The following PLEKHA7 variants were observed in gnomAD, a reference collection of about 807,000 sequenced individuals.
The protein encoded by PLEKHA7 is pleckstrin homology domain containing A7.
Under a neutral mutation model 170.0 loss-of-function variants are expected in PLEKHA7, and 104 were observed. That is an observed-to-expected ratio of 0.61 (90% CI 0.52 to 0.72). The LOEUF (loss-of-function observed/expected upper bound fraction) is 0.72, where lower values mean the gene tolerates loss of function less well. PLEKHA7 is among the 30% of genes least tolerant of loss of function. The pLI is 0.00. For missense variants in PLEKHA7, 1,615 were observed against 1,671.7 expected, an observed-to-expected ratio of 0.97 and a Z score of 0.59; for synonymous variants, 648 against 660.8, an observed-to-expected ratio of 0.98 and a Z score of 0.30.
rs78928469 is a variant in PLEKHA7 at position 16,979,447 on chromosome 11, T to A, written c.221+34542A>T. ...ACATTCCCATTTTACAGACATGGGATCTGAGGCCCACCTTGCTCAAGGTCA... is the reference window on the plus strand; with the variant it reads ...ACATTCCCATTTTACAGACATGGGAACTGAGGCCCACCTTGCTCAAGGTCA... On this transcript the variant is annotated intron_variant, in intron 3 of 26. Transcript: ENST00000531066. 1.3e-3 allele frequency among the ~76,000 whole-genome samples: 195 copies of A among 152,176 alleles called. 2 individuals are homozygous for A. In the East Asian group the frequency reaches 0.031, roughly 24 times the overall value.
At chr11:16,959,686 T>C (rs1002934376) in intron 3 of PLEKHA7, among the ~76,000 whole-genome samples, 1 of 152,184 alleles carries the variant, frequency 6.6e-6, no homozygotes, top group Non-Finnish European at 1.5e-5. Context: ...TGAAACCACC[T>C]TGATAGAAAG....
At chr11:16,786,140 G>T in intron 24 of PLEKHA7, 89 bp downstream of exon 24, 2 of 1,456,332 alleles carry the variant, frequency 1.4e-6, no homozygotes, top group Non-Finnish European at 1.8e-6. Flanking sequence ...TCCCTGTTCA[G>T]GATGATACCC....
intron 3 of PLEKHA7, among the ~76,000 whole-genome samples, chr11:17,007,128 G>C (rs1423573819): frequency 4.6e-5 from 7 of 152,190 alleles, no homozygotes; most frequent in Admixed American, 2.6e-4. Flanking sequence ...TGCTGCCCAG[G>C]GGGGCATGGA....
intron 3 of PLEKHA7, among the ~76,000 whole-genome samples, chr11:17,007,618 G>A (rs889798213): frequency 1.3e-5 from 2 of 149,130 alleles, no homozygotes; most frequent in Non-Finnish European, 3.0e-5. Flanking sequence ...CTGTCGCCCA[G>A]GCTGGAGTGC....
chr11:16,820,002 T>C (rs1409939684), intron 10 of PLEKHA7, among the ~76,000 whole-genome samples: 1 of 152,254 alleles, frequency 6.6e-6, no homozygotes, highest in Non-Finnish European at 1.5e-5. Flanking sequence ...TGGTTTGATG[T>C]AATCATTTCA....
intron 23 of PLEKHA7, chr11:16,786,965 C>G: frequency 1.0e-6 from 1 of 985,252 alleles, no homozygotes; most frequent in Non-Finnish European, 1.2e-6. Context: ...TGTATGAGAC[C>G]CATCTATTTG....
At position 16,895,244 on chromosome 11, in the gene PLEKHA7, G is replaced by A. The variant is rs1055640661; in HGVS notation, c.222-24062C>T. Among the ~76,000 whole-genome samples, 4 of 152,158 alleles carry A rather than the reference G, an allele frequency of 2.6e-5. 1 individual carries two copies. The highest frequency in any genetic ancestry group is 6.3e-3 in the Middle Eastern group (2 of 316). On this transcript the variant is annotated intron_variant, in intron 3 of 26. Coordinates refer to ENST00000531066, the MANE Select transcript of PLEKHA7 (RefSeq NM_001329630.2). ...CACTGGCCCTCCTCATTTGTGTCTA[G>A]AAGTCCCAGCAATCAGGCATGGACA...
At chr11:16,848,374 C>T (rs1852638017) in intron 8 of PLEKHA7, among the ~76,000 whole-genome samples, 1 of 152,228 alleles carries the variant, frequency 6.6e-6, no homozygotes. Flanking sequence ...TCTTGGCATG[C>T]CTTCAGAATC....
chr11:16,812,765 T>C (rs940135803), intron 13 of PLEKHA7, among the ~76,000 whole-genome samples: 3 of 152,218 alleles, frequency 2.0e-5, no homozygotes, highest in Middle Eastern at 3.4e-3. Flanking sequence ...AAAACCCACA[T>C]TAGTGAACCA....
At chr11:16,862,779 C>T (rs2135550585) in intron 4 of PLEKHA7, among the ~76,000 whole-genome samples, 1 of 152,338 alleles carries the variant, frequency 6.6e-6, no homozygotes, top group South Asian at 2.1e-4. Context: ...CTACGTGCGA[C>T]TATCATAGAC....
chr11:16,893,200 AT>A (rs1316589217), intron 3 of PLEKHA7, among the ~76,000 whole-genome samples: 1 of 152,236 alleles, frequency 6.6e-6, no homozygotes, highest in Non-Finnish European at 1.5e-5. Flanking sequence ...AGGTTAAATC[AT>A]TTGTCCAAGA....
chr11:16,925,991 C>G (rs1050895526), intron 3 of PLEKHA7, among the ~76,000 whole-genome samples: 1 of 152,270 alleles, frequency 6.6e-6, no homozygotes, highest in Non-Finnish European at 1.5e-5. Context: ...CAGACACCAG[C>G]AGACCTGTCA....
intron 3 of PLEKHA7, among the ~76,000 whole-genome samples, chr11:16,945,534 G>C (rs1419165248): frequency 6.6e-6 from 1 of 152,216 alleles, no homozygotes; most frequent in Admixed American, 6.5e-5. Context: ...ATGATGGATA[G>C]ATGGACAGAT....
At chr11:16,864,683 T>A (rs1854245714) in intron 4 of PLEKHA7, among the ~76,000 whole-genome samples, 1 of 152,190 alleles carries the variant, frequency 6.6e-6, no homozygotes, top group Admixed American at 6.5e-5. Flanking sequence ...CTGCACACAC[T>A]CTCTTGCCTG....
At chr11:16,990,792 C>T (rs1046807496) in intron 3 of PLEKHA7, among the ~76,000 whole-genome samples, 1 of 152,228 alleles carries the variant, frequency 6.6e-6, no homozygotes, top group African/African-American at 2.4e-5. Flanking sequence ...TGGTCTATCA[C>T]ATCCCAGAGC....
Position 16,778,904 on chromosome 11 carries a change from G to A in PLEKHA7, c.*94C>T. ...TTCCTCCGGCCGGATTCCCTGCTCA[G>A]CTGGAAGGGGTTTCCTTGGGGGCAG... On this transcript the variant is annotated 3_prime_UTR_variant, in exon 27 of 27. Transcript: ENST00000531066. The A allele has an allele frequency of 1.4e-6, 1 of 701,480 alleles. No individual in the cohort carries two copies. Among genetic ancestry groups the A allele is most frequent in the South Asian group, 1.5e-5 (1 of 67,574 alleles). The allele number at this position is 701,480 out of a possible 1,614,324, so 43.5% of individuals were successfully genotyped here. A position where few individuals can be genotyped will look rare whatever the true frequency, so the allele number is the denominator to read the frequency against.
chr11:16,979,423 C>CAGTT (rs71047518), intron 3 of PLEKHA7, among the ~76,000 whole-genome samples: 54,069 of 151,592 alleles, frequency 0.36, 10,143 homozygotes, highest in Middle Eastern at 0.42. Flanking sequence ...CAGGGTAAGA[C>CAGTT]ATTCCCATTT....
chr11:16,973,080 C>A (rs1862826645), intron 3 of PLEKHA7, among the ~76,000 whole-genome samples: 1 of 152,214 alleles, frequency 6.6e-6, no homozygotes, highest in African/African-American at 2.4e-5. Flanking sequence ...GCCTTACAGG[C>A]TTATTGTGAA....
chr11:16,782,013 A>T (rs1212791346), intron 26 of PLEKHA7, among the ~76,000 whole-genome samples: 1 of 152,140 alleles, frequency 6.6e-6, no homozygotes, highest in Non-Finnish European at 1.5e-5. Context: ...GTGAGCTGTG[A>T]GTGGAAGGAG....
Sources: allele counts gnomAD v4.1 joint callset (sites outside exome capture counted in the v4.1 genomes callset), GRCh38; gene constraint gnomAD v4.1.1; transcripts MANE v1.5; gene names NCBI Gene and HGNC (gene_info 2026-07-23, HGNC 2026-07-21).